Variants in SLAIN2 observed in about 807,000 individuals in gnomAD.
SLAIN2 encodes SLAIN motif-containing protein 2.
Under a neutral mutation model 56.6 loss-of-function variants are expected in SLAIN2, and 31 were observed. That is an observed-to-expected ratio of 0.55 (90% CI 0.41 to 0.74). The LOEUF (loss-of-function observed/expected upper bound fraction) is 0.74, where lower values mean the gene tolerates loss of function less well. Among genes scored for constraint, SLAIN2 ranks in the 30% least tolerant of loss-of-function variants. The pLI is 0.00. For synonymous variants in SLAIN2, 317 were observed against 284.9 expected, an observed-to-expected ratio of 1.11 and a Z score of -1.13; for missense variants, 777 against 754.2, an observed-to-expected ratio of 1.03 and a Z score of -0.35.
At chr4:48,398,830 C>T (rs1432657447) in intron 6 of SLAIN2, among the ~76,000 whole-genome samples, 3 of 152,158 alleles carry the variant, frequency 2.0e-5, no homozygotes, top group African/African-American at 7.2e-5. Flanking sequence ...TTTCTGAGTT[C>T]TCCCTTCTGT....
chr4:48,370,033 T>C lies in SLAIN2; in HGVS notation c.538+36T>C, dbSNP rs1185698761. On this transcript the variant is annotated intron_variant, in intron 2 of 7. Coordinates refer to ENST00000264313, the MANE Select transcript of SLAIN2 (RefSeq NM_020846.2). ...AATTTTGCTTGTAAATTCATCTCTTTGCTTTCTTTAGTCAAAAACCATAAA... is the reference window on the plus strand; with the variant it reads ...AATTTTGCTTGTAAATTCATCTCTTCGCTTTCTTTAGTCAAAAACCATAAA... 1.2e-5 allele frequency: 19 copies of C among 1,598,026 alleles called. No individual in the cohort carries two copies. The Admixed American group carries it at 3.1e-4, about 26-fold the overall frequency.
At chr4:48,361,326 G>C (rs990196360) in intron 1 of SLAIN2, among the ~76,000 whole-genome samples, 1 of 152,212 alleles carries the variant, frequency 6.6e-6, no homozygotes, top group Non-Finnish European at 1.5e-5. Flanking sequence ...CAAAAGTGTT[G>C]AGCTTTCCAG....
intron 1 of SLAIN2, among the ~76,000 whole-genome samples, chr4:48,358,438 G>C (rs1330547684): frequency 1.3e-5 from 2 of 151,576 alleles, no homozygotes; most frequent in Non-Finnish European, 2.9e-5. Context: ...TCCTGCCTCA[G>C]CCTCCCGAGT....
At position 48,424,141 on chromosome 4, in the gene SLAIN2, CTATT is replaced by C. The variant is rs1717236116; in HGVS notation, c.*2066_*2069del. 1 of 151,884 alleles carries C rather than the reference CTATT, an allele frequency of 6.6e-6. No individual in the cohort carries two copies. The highest frequency in any genetic ancestry group is 1.5e-5 in the Non-Finnish European group (1 of 67,928). 9.4% of individuals were successfully genotyped at this position (151,884 alleles called of 1,614,324 possible). On this transcript the variant is annotated 3_prime_UTR_variant, in exon 8 of 8. Transcript: ENST00000264313. ...AAATGGCTGCATCAGAAAAAAATGT[CTATT>C]TTTTTTTATTAAAATATTTCATCAC...
intron 6 of SLAIN2, chr4:48,394,600 C>G (rs1716329340): frequency 2.6e-6 from 4 of 1,535,844 alleles, no homozygotes; most frequent in African/African-American, 2.7e-5. Flanking sequence ...AAAAATTTGC[C>G]TCGCACTTCC....
chr4:48,385,689 A>C (rs1389328753), intron 6 of SLAIN2, among the ~76,000 whole-genome samples: 5 of 148,492 alleles, frequency 3.4e-5, no homozygotes, highest in African/African-American at 1.3e-4. Flanking sequence ...GCTGGAGTGC[A>C]GTGGCACAAT....
At chr4:48,407,144 G>A (rs1310547403) in intron 6 of SLAIN2, among the ~76,000 whole-genome samples, 5 of 151,824 alleles carry the variant, frequency 3.3e-5, no homozygotes, top group African/African-American at 7.3e-5. Flanking sequence ...TTCGAGGTTC[G>A]TTTCTTGTTT....
intron 1 of SLAIN2, among the ~76,000 whole-genome samples, chr4:48,365,939 TGTAA>T (rs199513194): frequency 0.051 from 7,763 of 152,304 alleles, 293 homozygotes; most frequent in African/African-American, 0.1. Flanking sequence ...TCTTTCCTAA[TGTAA>T]GTGTTTGAAA....
chr4:48,373,905 G>A (rs1335581472), intron 2 of SLAIN2, among the ~76,000 whole-genome samples: 3 of 152,046 alleles, frequency 2.0e-5, no homozygotes, highest in Non-Finnish European at 2.9e-5. Context: ...TGGTGTGGTG[G>A]CACATGCCTG....
rs1449371427 is a variant in SLAIN2 at position 48,383,888 on chromosome 4, G to A, written c.1360+104G>A. ...AAACCGTTTTTTATGCTGAAAAACC[G>A]TTTTAAACCATAGCTATAGTAAAAT... On this transcript the variant is annotated intron_variant, in intron 6 of 7. Coordinates refer to ENST00000264313, the MANE Select transcript of SLAIN2 (RefSeq NM_020846.2). The A allele has an allele frequency of 2.9e-5, 36 of 1,257,430 alleles. No homozygotes were observed. In the South Asian group the frequency reaches 3.2e-4, roughly 11 times the overall value. 77.9% of individuals were successfully genotyped at this position (1,257,430 alleles called of 1,614,324 possible). A position where few individuals can be genotyped will look rare whatever the true frequency, so the allele number is the denominator to read the frequency against.
chr4:48,358,170 G>T (rs901792575), intron 1 of SLAIN2, among the ~76,000 whole-genome samples: 1 of 152,168 alleles, frequency 6.6e-6, no homozygotes, highest in African/African-American at 2.4e-5. Flanking sequence ...GACCTCATCT[G>T]TAGAATGGAG....
intron 2 of SLAIN2, among the ~76,000 whole-genome samples, chr4:48,371,721 C>A (rs1715667542): frequency 6.6e-6 from 1 of 151,934 alleles, no homozygotes; most frequent in African/African-American, 2.4e-5. Context: ...TTGGGAGGAT[C>A]ACTTGAGTCC....
chr4:48,395,780 G>T lies in SLAIN2; in HGVS notation c.1360+11996G>T, dbSNP rs111675298. On this transcript the variant is annotated intron_variant, in intron 6 of 7. Coordinates refer to ENST00000264313, the MANE Select transcript of SLAIN2 (RefSeq NM_020846.2). Reference sequence around the variant, plus strand: ...TTAATAGGGGTTATTATAGAAAGGGGTTTTTGTGGACTTATTTGGGAACCT... The same window carrying T: ...TTAATAGGGGTTATTATAGAAAGGGTTTTTTGTGGACTTATTTGGGAACCT... 5.4e-3 allele frequency among the ~76,000 whole-genome samples: 708 copies of T among 131,628 alleles called. 7 individuals carry two copies. The highest frequency in any genetic ancestry group is 0.019 in the African/African-American group (664 of 34,480). 86.4% of individuals were successfully genotyped at this position (131,628 alleles called of 152,430 possible).
chr4:48,371,319 C>A, intron 2 of SLAIN2, among the ~76,000 whole-genome samples: 1 of 152,004 alleles, frequency 6.6e-6, no homozygotes, highest in East Asian at 1.9e-4. Context: ...GTGATCTGCC[C>A]GCCTCAGCCT....
chr4:48,352,211 C>T (rs1172174685), intron 1 of SLAIN2, among the ~76,000 whole-genome samples: 1 of 152,160 alleles, frequency 6.6e-6, no homozygotes, highest in East Asian at 1.9e-4. Context: ...AAAACAGCCT[C>T]TGAGGTTTGT....
intron 6 of SLAIN2, among the ~76,000 whole-genome samples, chr4:48,405,427 C>G (rs1245213011): frequency 6.6e-6 from 1 of 152,064 alleles, no homozygotes; most frequent in African/African-American, 2.4e-5. Flanking sequence ...CTCTCTCTCT[C>G]TCTCTCATTG....
At chr4:48,414,144 C>A (rs896610051) in intron 6 of SLAIN2, among the ~76,000 whole-genome samples, 6 of 152,168 alleles carry the variant, frequency 3.9e-5, no homozygotes, top group African/African-American at 1.4e-4. Flanking sequence ...TTGCTCAGAG[C>A]AGATAGATCT....
intron 6 of SLAIN2, among the ~76,000 whole-genome samples, chr4:48,414,633 G>T (rs1324957107): frequency 7.9e-6 from 1 of 126,638 alleles, no homozygotes; most frequent in East Asian, 2.4e-4. Context: ...ATGTATACAT[G>T]TGCCATGCTG....
At chr4:48,382,541 T>C (rs1463518377) in intron 4 of SLAIN2, 27 bp from the exon 5 acceptor site, 2 of 1,473,646 alleles carry the variant, frequency 1.4e-6, no homozygotes, top group Non-Finnish European at 1.8e-6. Flanking sequence ...AAATATTGTT[T>C]AAATAAATAA....
Sources: gnomAD v4.1 joint callset for allele counts (sites outside exome capture counted in the v4.1 genomes callset) on GRCh38, gnomAD v4.1.1 for gene constraint, MANE v1.5 for transcripts, NCBI Gene and HGNC (gene_info 2026-07-23, HGNC 2026-07-21) for gene names.